Variants in DLG2 observed in about 807,000 individuals in gnomAD.
DLG2 encodes disks large homolog 2.
A neutral mutation model predicts 132.5 loss-of-function variants in DLG2; 45 were observed. The ratio of observed to expected loss-of-function variants is 0.34; its 90% CI spans 0.27 to 0.44. DLG2 has a LOEUF of 0.44. Among genes scored for constraint, DLG2 ranks in the 20% least tolerant of loss-of-function variants. The probability of loss-of-function intolerance (pLI) is 1.00; values close to 1 mark genes in which losing one functional copy is unlikely to be tolerated. For missense variants in DLG2, 1,045 were observed against 1,196.9 expected, an observed-to-expected ratio of 0.87 and a Z score of 1.87; for synonymous variants, 424 against 419.6, an observed-to-expected ratio of 1.01 and a Z score of -0.13.
chr11:83,674,082 T>C (rs1175685022), intron 18 of DLG2, among the ~76,000 whole-genome samples: 1 of 152,128 alleles, frequency 6.6e-6, no homozygotes, highest in East Asian at 1.9e-4. Context: ...TCTTTAAAAA[T>C]AAGATGAGTA....
intron 6 of DLG2, among the ~76,000 whole-genome samples, chr11:85,016,324 C>T (rs2059572660): frequency 6.6e-6 from 1 of 152,278 alleles, no homozygotes; most frequent in East Asian, 1.9e-4. Context: ...AATCTCCTAT[C>T]TTAATGGTTA....
chr11:84,946,441 G>A (rs1470214520), intron 6 of DLG2, among the ~76,000 whole-genome samples: 1 of 151,986 alleles, frequency 6.6e-6, no homozygotes, highest in African/African-American at 2.4e-5. Context: ...AATTCTGCCA[G>A]GACTGTGTTA....
chr11:83,929,096 A>C (rs188642189), intron 15 of DLG2, among the ~76,000 whole-genome samples: 24 of 152,200 alleles, frequency 1.6e-4, no homozygotes, highest in African/African-American at 5.8e-4. Flanking sequence ...AAAATGCCCT[A>C]GCTGATTTAC....
intron 8 of DLG2, among the ~76,000 whole-genome samples, chr11:84,206,859 C>A (rs1312872773): frequency 1.3e-5 from 2 of 151,760 alleles, no homozygotes; most frequent in Non-Finnish European, 2.9e-5. Flanking sequence ...AGAAACCTCC[C>A]CCAAATCTAA....
At chr11:84,035,901 C>T (rs7123249) in intron 11 of DLG2, among the ~76,000 whole-genome samples, 4,285 of 152,080 alleles carry the variant, frequency 0.028, 159 homozygotes, top group African/African-American at 0.089. Context: ...AAGAGAAATC[C>T]GGGATGATTC....
At chr11:85,609,516 TC>T (rs1330267005) in intron 2 of DLG2, among the ~76,000 whole-genome samples, 1 of 152,170 alleles carries the variant, frequency 6.6e-6, no homozygotes, top group African/African-American at 2.4e-5. Flanking sequence ...GGGCTTGTTA[TC>T]AGTGTGGTTT....
At chr11:84,632,970 A>C (rs894033647) in intron 6 of DLG2, among the ~76,000 whole-genome samples, 70 of 152,178 alleles carry the variant, frequency 4.6e-4, no homozygotes, top group African/African-American at 1.7e-3. Context: ...ACTTTGAGCA[A>C]TTCCATAGCT....
At chr11:84,925,468 A>G (rs766207901) in intron 6 of DLG2, among the ~76,000 whole-genome samples, 1 of 152,108 alleles carries the variant, frequency 6.6e-6, no homozygotes, top group Non-Finnish European at 1.5e-5. Flanking sequence ...ATACCTGTAG[A>G]TTTACTGCCT....
At chr11:85,104,621 C>T (rs1190716893) in intron 6 of DLG2, among the ~76,000 whole-genome samples, 2 of 151,476 alleles carry the variant, frequency 1.3e-5, no homozygotes, top group African/African-American at 4.8e-5. Context: ...CCAGAAATGT[C>T]CCAAAATTGA....
intron 3 of DLG2, among the ~76,000 whole-genome samples, chr11:85,574,915 A>G (rs566787973): frequency 6.6e-6 from 1 of 152,156 alleles, no homozygotes; most frequent in Admixed American, 6.5e-5. Context: ...TACAGTCCCT[A>G]TCTTCAAAAT....
chr11:84,489,936 G>C (rs7103100), intron 7 of DLG2, among the ~76,000 whole-genome samples: 26,841 of 151,810 alleles, frequency 0.18, 3,513 homozygotes, highest in African/African-American at 0.37. Flanking sequence ...GGCAGAAAAA[G>C]TTAAAAAGAG....
Position 84,651,532 on chromosome 11 carries a change from C to A in DLG2, c.358-116801G>T, listed in dbSNP as rs143442865. ...GAAGCTTTCAAAGCCATAAAGAGAG[C>A]AAAGGTCACTCCTCTTCTGTCTCCG... On this transcript the variant is annotated intron_variant, in intron 6 of 27. Transcript: ENST00000376104. Among the ~76,000 whole-genome samples the A allele has an allele frequency of 2.2e-3, 331 of 152,210 alleles. 6 individuals are homozygous for A. The highest frequency in any genetic ancestry group is 9.4e-4 in the Non-Finnish European group (64 of 68,012).
chr11:84,449,618 T>G (rs980538137), intron 7 of DLG2, among the ~76,000 whole-genome samples: 1 of 151,860 alleles, frequency 6.6e-6, no homozygotes, highest in Non-Finnish European at 1.5e-5. Context: ...TTTTGTCCAC[T>G]AAAGTACTTA....
intron 21 of DLG2, among the ~76,000 whole-genome samples, chr11:83,526,654 GTT>G (rs1170308833): frequency 3.3e-5 from 5 of 152,154 alleles, no homozygotes; most frequent in Admixed American, 2.0e-4. Context: ...TAAAGTATAA[GTT>G]TCCTGGAAAA....
intron 3 of DLG2, among the ~76,000 whole-genome samples, chr11:85,419,494 T>C (rs937649282): frequency 2.6e-5 from 4 of 152,246 alleles, no homozygotes; most frequent in Non-Finnish European, 4.4e-5. Context: ...GGGGAAGTTC[T>C]CATGGATAAT....
chr11:83,598,937 C>T (rs779042068), intron 19 of DLG2, among the ~76,000 whole-genome samples: 88 of 152,132 alleles, frequency 5.8e-4, no homozygotes, highest in Admixed American at 9.8e-4. Flanking sequence ...TTAAATCCTG[C>T]GGCCTTACCT....
chr11:85,019,929 C>T (rs1020893368), intron 6 of DLG2, among the ~76,000 whole-genome samples: 4 of 152,134 alleles, frequency 2.6e-5, no homozygotes, highest in Admixed American at 2.0e-4. Flanking sequence ...AGTAAACATA[C>T]GTGTGCATGT....
At chr11:85,099,620 C>T (rs573813970) in intron 6 of DLG2, among the ~76,000 whole-genome samples, 1 of 152,196 alleles carries the variant, frequency 6.6e-6, no homozygotes, top group Non-Finnish European at 1.5e-5. Flanking sequence ...GTAGGAAAAG[C>T]TTTCTTAAAG....
chr11:84,900,801 T>C (rs1210832739), intron 6 of DLG2, among the ~76,000 whole-genome samples: 3 of 152,048 alleles, frequency 2.0e-5, no homozygotes, highest in Non-Finnish European at 4.4e-5. Context: ...TTTTTCTATT[T>C]ACCAAGCTTC....
Sources: allele counts gnomAD v4.1 joint callset (sites outside exome capture counted in the v4.1 genomes callset), GRCh38; gene constraint gnomAD v4.1.1; transcripts MANE v1.5; gene names NCBI Gene and HGNC (gene_info 2026-07-23, HGNC 2026-07-21).